The following JADE3 variants were observed in gnomAD, a reference collection of about 807,000 sequenced individuals.
JADE3 encodes jade family PHD finger 3.
JADE3 carries 2 observed loss-of-function variants against 50.1 expected under a neutral mutation model. The ratio of observed to expected loss-of-function variants is 0.04; its 90% confidence interval spans 0.02 to 0.13. The LOEUF (loss-of-function observed/expected upper bound fraction) is 0.13, where lower values mean the gene tolerates loss of function less well. Ranked by LOEUF, JADE3 falls within the 10% of genes least tolerant of loss-of-function variation. The probability of loss-of-function intolerance (pLI) is 1.00; values close to 1 mark genes in which losing one functional copy is unlikely to be tolerated. For synonymous variants in JADE3, 218 were observed against 232.9 expected (o/e 0.94, Z 0.58); for missense variants, 475 against 634.4 (o/e 0.75, Z 2.70).
chrX:46,983,849 G>T (rs1927808515), intron 1 of JADE3, among the ~76,000 whole-genome samples: 2 of 111,468 alleles, frequency 1.8e-5, no homozygotes, highest in South Asian at 3.8e-4. Flanking sequence ...GGTCGTCCAT[G>T]GAGCTGCTCA....
intron 1 of JADE3, among the ~76,000 whole-genome samples, chrX:46,948,797 T>C (rs980785845): frequency 1.8e-5 from 2 of 111,866 alleles, no homozygotes; most frequent in Non-Finnish European, 3.8e-5. Context: ...AGAGGCCTTC[T>C]TCCTGAGTAC....
At chrX:46,953,303 C>T (rs1030614465) in intron 1 of JADE3, among the ~76,000 whole-genome samples, 1 of 105,770 alleles carries the variant, frequency 9.5e-6, no homozygotes, top group African/African-American at 3.5e-5. Flanking sequence ...TGTGCTCTAA[C>T]CACAGTGCTC....
intron 8 of JADE3, among the ~76,000 whole-genome samples, chrX:47,045,723 G>A (rs1233602350): frequency 2.7e-5 from 3 of 110,988 alleles, no homozygotes; most frequent in Non-Finnish European, 3.8e-5. Context: ...AATAAAACTA[G>A]AAATCAATAA....
At chrX:46,931,715 C>T (rs1373780458) in intron 1 of JADE3, among the ~76,000 whole-genome samples, 1 of 111,994 alleles carries the variant, frequency 8.9e-6, no homozygotes, top group Non-Finnish European at 1.9e-5. Flanking sequence ...TGAGCCACTA[C>T]GCCCAGCCTA....
intron 1 of JADE3, among the ~76,000 whole-genome samples, chrX:46,962,028 A>G (rs1490520885): frequency 8.9e-6 from 1 of 112,037 alleles, no homozygotes; most frequent in Non-Finnish European, 1.9e-5. Context: ...GTGTCTCAGA[A>G]GGATTAAAAT....
chrX:47,032,474 T>A (rs1929042023), intron 6 of JADE3, among the ~76,000 whole-genome samples: 2 of 110,684 alleles, frequency 1.8e-5, no homozygotes, highest in Non-Finnish European at 3.8e-5. Context: ...TACAATGGTA[T>A]GAATTCTTTT....
At chrX:46,951,024 G>A (rs1334042287) in intron 1 of JADE3, among the ~76,000 whole-genome samples, 3 of 108,601 alleles carry the variant, frequency 2.8e-5, no homozygotes, top group African/African-American at 1.0e-4. Context: ...TATTTATTCT[G>A]TTTGGTGTTC....
intron 1 of JADE3, among the ~76,000 whole-genome samples, chrX:46,953,070 C>G (rs1011474835): frequency 4.5e-5 from 5 of 111,443 alleles, no homozygotes; most frequent in Non-Finnish European, 7.5e-5. Context: ...TTTCTTCTCT[C>G]TCTTTCAGAG....
chrX:46,987,847 G>A, intron 3 of JADE3, among the ~76,000 whole-genome samples: 1 of 112,018 alleles, frequency 8.9e-6, no homozygotes, highest in Non-Finnish European at 1.9e-5. Flanking sequence ...AGGGATAGGG[G>A]ACCTGGGCTG....
chrX:47,027,770 G>T (rs997921282), intron 5 of JADE3, 122 bp from the exon 6 acceptor site: 2 of 536,626 alleles, frequency 3.7e-6, no homozygotes, highest in East Asian at 6.9e-5. Context: ...GGTTGTTTTA[G>T]AGCAGGAAAG....
rs781944206 is a variant in JADE3, at chrX:46,968,139, A to G, written c.-11-16745A>G. 3.6e-5 allele frequency among the ~76,000 whole-genome samples: 4 copies of G among 112,119 alleles called. No individual in the cohort carries two copies. The East Asian group carries it at 1.1e-3, about 31-fold the overall frequency. ...GTACAGTAAGTGAAAATCTCACAAA[A>G]TGATAGGTTGATTCTTTCTCTTTCT... On this transcript the variant is annotated intron_variant, in intron 1 of 10. Coordinates refer to ENST00000614628, the MANE Select transcript of JADE3 (RefSeq NM_014735.5).
At position 47,060,875 on chromosome X, in the gene JADE3, T is replaced by TA. The variant is rs1929762923; in HGVS notation, c.*1799dup. On this transcript the variant is annotated 3_prime_UTR_variant, in exon 11 of 11. Transcript: ENST00000614628. ...TTCCTTATGTCAGAGGCCAGTGCGG[T>TA]AGCCTTTGTCCCTTCATGCCTTTCA... The TA allele has an allele frequency of 8.9e-6, 1 of 112,389 alleles. No individual in the cohort carries two copies. Among genetic ancestry groups the TA allele is most frequent in the Non-Finnish European group, 1.9e-5 (1 of 53,268 alleles). 9.3% of individuals were successfully genotyped at this position (112,389 alleles called of 1,213,427 possible).
At chrX:46,953,211 G>A (rs147000305) in intron 1 of JADE3, among the ~76,000 whole-genome samples, 2 of 43,691 alleles carry the variant, frequency 4.6e-5, no homozygotes, top group Non-Finnish European at 8.9e-5. Flanking sequence ...CCCCCCCACC[G>A]CCCCCCACCG....
chrX:47,004,713 G>A (rs1556359977), intron 4 of JADE3, among the ~76,000 whole-genome samples: 1 of 112,788 alleles, frequency 8.9e-6, no homozygotes, highest in East Asian at 2.8e-4. Context: ...GATTACGGGC[G>A]TGAGCCACTG....
intron 7 of JADE3, among the ~76,000 whole-genome samples, chrX:47,036,955 G>C (rs1929145421): frequency 1.2e-5 from 1 of 83,823 alleles, no homozygotes; most frequent in South Asian, 7.1e-4. Context: ...TCTGGGGACT[G>C]TGGTGGGGTA....
chrX:47,028,839 C>T (rs2146977471), intron 6 of JADE3, among the ~76,000 whole-genome samples: 1 of 111,493 alleles, frequency 9.0e-6, no homozygotes, highest in East Asian at 2.8e-4. Context: ...CTGACACTGT[C>T]CTATCTCCCA....
At chrX:46,927,850 A>T (rs868909297) in intron 1 of JADE3, among the ~76,000 whole-genome samples, 42 of 112,064 alleles carry the variant, frequency 3.7e-4, no homozygotes, top group African/African-American at 1.3e-3. Context: ...AGCAGGCACC[A>T]AGGGCAGAGA....
At chrX:47,032,692 C>T (rs1929048239) in intron 6 of JADE3, among the ~76,000 whole-genome samples, 1 of 110,905 alleles carries the variant, frequency 9.0e-6, no homozygotes, top group African/African-American at 3.3e-5. Flanking sequence ...GTGAGTAATA[C>T]AAGTCTAGGA....
chrX:46,917,773 CTCTCTCTCTCTCTAATGGGAGGTCTG>C (rs1387885443), intron 1 of JADE3, among the ~76,000 whole-genome samples: 47 of 107,407 alleles, frequency 4.4e-4, no homozygotes, highest in African/African-American at 1.6e-3. Flanking sequence ...CTTTCTCTCT[CTCTCTCTCTCTCTAATGGGAGGTCTG>C]TCTCTCTCTC....
Sources: gnomAD v4.1 joint callset for allele counts (sites outside exome capture counted in the v4.1 genomes callset) on GRCh38, gnomAD v4.1.1 for gene constraint, MANE v1.5 for transcripts, NCBI Gene and HGNC (gene_info 2026-07-23, HGNC 2026-07-21) for gene names.